MIS18A: variants seen among roughly 807,000 people sequenced by gnomAD.
The protein encoded by MIS18A is MIS18 kinetochore protein A, also known as protein Mis18-alpha.
In MIS18A, 14 loss-of-function variants were observed where a neutral mutation model predicts 25.0. The observed-to-expected ratio is 0.56, with a 90% CI of 0.37 to 0.88. The LOEUF is 0.88. MIS18A is among the 40% of genes least tolerant of loss of function. The probability of loss-of-function intolerance (pLI) is 0.00; values close to 1 mark genes in which losing one functional copy is unlikely to be tolerated. For synonymous variants in MIS18A, 134 were observed against 118.6 expected (o/e 1.13, Z -0.84); for missense variants, 292 against 290.8 (o/e 1.00, Z -0.03).
At chr21:32,233,604 C>G in the MIS18A span, among the ~76,000 whole-genome samples, 1 of 152,202 alleles carries the variant, frequency 6.6e-6, no homozygotes, top group Non-Finnish European at 1.5e-5. Flanking sequence ...CCTTGGCCAT[C>G]AAATTTTGTG....
the MIS18A span, among the ~76,000 whole-genome samples, chr21:32,165,249 C>T: frequency 6.6e-6 from 1 of 152,256 alleles, no homozygotes; most frequent in South Asian, 2.1e-4. Flanking sequence ...AGGAGAATTG[C>T]TTGAACCCAG....
At chr21:32,254,515 G>T in the MIS18A span, among the ~76,000 whole-genome samples, 1 of 151,594 alleles carries the variant, frequency 6.6e-6, no homozygotes, top group Non-Finnish European at 1.5e-5. Context: ...TGGACAAGAA[G>T]AGTGAAACTC....
chr21:32,250,516 A>G, the MIS18A span, among the ~76,000 whole-genome samples: 2 of 152,226 alleles, frequency 1.3e-5, no homozygotes, highest in South Asian at 2.1e-4. Context: ...GGGCTTGAAT[A>G]CTGGCTGTCC....
At chr21:32,265,548 A>G (rs576182518), downstream of MIS18A, among the ~76,000 whole-genome samples, 55 of 152,318 alleles carry the variant, frequency 3.6e-4, no homozygotes, top group South Asian at 6.2e-4. Flanking sequence ...ATTTCTCGCC[A>G]GGCCTTAGCT....
the MIS18A span, among the ~76,000 whole-genome samples, chr21:32,199,605 C>T: frequency 6.6e-6 from 1 of 151,854 alleles, no homozygotes; most frequent in African/African-American, 2.4e-5. Flanking sequence ...GTCAGGAGTT[C>T]GAGACCAGCC....
the MIS18A span, among the ~76,000 whole-genome samples, chr21:32,170,720 T>C: frequency 1.3e-5 from 2 of 151,964 alleles, no homozygotes; most frequent in African/African-American, 4.8e-5. Flanking sequence ...AGAATAGATA[T>C]AGAATAATGT....
At chr21:32,208,076 C>T in the MIS18A span, among the ~76,000 whole-genome samples, 2 of 152,232 alleles carry the variant, frequency 1.3e-5, no homozygotes, top group Non-Finnish European at 2.9e-5. Flanking sequence ...ACACAGGTCT[C>T]ATTAGTCAAG....
chr21:32,230,166 A>C, the MIS18A span, among the ~76,000 whole-genome samples: 1 of 152,210 alleles, frequency 6.6e-6, no homozygotes, highest in African/African-American at 2.4e-5. Context: ...TTAAATAAGA[A>C]CTGAATTATC....
the MIS18A span, among the ~76,000 whole-genome samples, chr21:32,195,487 G>T: frequency 1.3e-5 from 2 of 152,178 alleles, no homozygotes; most frequent in African/African-American, 2.4e-5. Flanking sequence ...GCTGGCTGGT[G>T]CCCCATGCTA....
the MIS18A span, among the ~76,000 whole-genome samples, chr21:32,180,793 C>T: frequency 0.49 from 74,198 of 152,000 alleles, 18,356 homozygotes; most frequent in East Asian, 0.6. Context: ...AACTACTCCC[C>T]TCTGACCTGC....
the MIS18A span, among the ~76,000 whole-genome samples, chr21:32,236,905 A>T: frequency 2.0e-5 from 3 of 152,292 alleles, no homozygotes; most frequent in Admixed American, 2.0e-4. Flanking sequence ...GCAATGAGAT[A>T]TCAGGAATGC....
downstream of MIS18A, among the ~76,000 whole-genome samples, chr21:32,263,831 CT>C (rs1248575761): frequency 7.0e-6 from 1 of 143,254 alleles, no homozygotes; most frequent in Non-Finnish European, 1.5e-5. Context: ...TTTTTAAGCA[CT>C]TTCTGATTTC....
At chr21:32,252,221 AAGAAGAAGAAGAAGAAGAAGGAGGAGG>A in the MIS18A span, among the ~76,000 whole-genome samples, 15 of 93,658 alleles carry the variant, frequency 1.6e-4, no homozygotes, top group East Asian at 6.0e-4. Context: ...GAAGAAGAAG[AAGAAGAAGAAGAAGAAGAAGGAGGAGG>A]AGGAGGAGGA....
chr21:32,203,052 AT>A, the MIS18A span, among the ~76,000 whole-genome samples: 1 of 152,186 alleles, frequency 6.6e-6, no homozygotes, highest in Admixed American at 6.5e-5. Context: ...AGAAATCACC[AT>A]ACTGTTTTCT....
chr21:32,247,334 TG>T, the MIS18A span, among the ~76,000 whole-genome samples: 1 of 152,098 alleles, frequency 6.6e-6, no homozygotes, highest in Non-Finnish European at 1.5e-5. Flanking sequence ...TCATCTCCCT[TG>T]GGGAAAAGGA....
chr21:32,193,856 T>C, the MIS18A span, among the ~76,000 whole-genome samples: 3 of 152,190 alleles, frequency 2.0e-5, no homozygotes, highest in Admixed American at 6.5e-5. Context: ...CTGAAATGGC[T>C]TCTCAGCATT....
chr21:32,222,061 G>A, the MIS18A span, among the ~76,000 whole-genome samples: 39 of 151,284 alleles, frequency 2.6e-4, no homozygotes, highest in African/African-American at 7.5e-4. Context: ...CACGTGCAAA[G>A]ACACATATAG....
At chr21:32,227,532 A>G in the MIS18A span, among the ~76,000 whole-genome samples, 1 of 152,210 alleles carries the variant, frequency 6.6e-6, no homozygotes, top group Non-Finnish European at 1.5e-5. Flanking sequence ...GTCTGAATAG[A>G]GTTATAAAAA....
the MIS18A span, among the ~76,000 whole-genome samples, chr21:32,181,688 A>G: frequency 6.6e-6 from 1 of 152,156 alleles, no homozygotes; most frequent in Non-Finnish European, 1.5e-5. Flanking sequence ...GGCCTCAATG[A>G]TAGATGGCAG....
Sources: gnomAD v4.1 joint callset for allele counts (sites outside exome capture counted in the v4.1 genomes callset) on GRCh38, gnomAD v4.1.1 for gene constraint, MANE v1.5 for transcripts, NCBI Gene and HGNC (gene_info 2026-07-23, HGNC 2026-07-21) for gene names.